Variants in CSMD2 observed in about 807,000 individuals in gnomAD.
CSMD2 encodes the protein CUB and Sushi multiple domains 2, also known as CUB and sushi domain-containing protein 2.
CSMD2 carries 130 observed loss-of-function variants against 398.5 expected under a neutral mutation model. The ratio of observed to expected loss-of-function variants is 0.33; its 90% CI spans 0.28 to 0.38. CSMD2 has a LOEUF of 0.38. Ranked by LOEUF, CSMD2 falls within the 10% of genes least tolerant of loss-of-function variation. The pLI is 1.00. For synonymous variants in CSMD2, 1,828 were observed against 1,908.5 expected (o/e 0.96, Z 1.10); for missense variants, 3,829 against 4,764.9 (o/e 0.80, Z 5.78).
rs1465513726 is a variant in CSMD2, at chr1:34,159,336, C to CG, written c.187+5574_187+5575insC. ...GAATGACTTTACAGCCTGCCCCCCC[C>CG]CCACCCAGGAGCTTGTGGTGGAAAG... On this transcript the variant is annotated intron_variant, in intron 1 of 70. Coordinates refer to ENST00000373381, the MANE Select transcript of CSMD2 (RefSeq NM_001281956.2). 2.6e-4 allele frequency among the ~76,000 whole-genome samples: 23 copies of CG among 89,780 alleles called. No individual in the cohort carries two copies. The East Asian group carries it at 2.8e-3, about 11-fold the overall frequency. The allele number at this position is 89,780 out of a possible 152,430, so 58.9% of individuals were successfully genotyped here. A position where few individuals can be genotyped will look rare whatever the true frequency, so the allele number is the denominator to read the frequency against.
At chr1:34,123,907 G>A (rs968018893) in intron 1 of CSMD2, among the ~76,000 whole-genome samples, 3 of 152,172 alleles carry the variant, frequency 2.0e-5, no homozygotes, top group Non-Finnish European at 4.4e-5. Context: ...AGTAGAGTAA[G>A]GTTGTGAACA....
At chr1:33,833,706 C>T (rs936208711) in intron 6 of CSMD2, among the ~76,000 whole-genome samples, 15 of 151,496 alleles carry the variant, frequency 9.9e-5, no homozygotes, top group Non-Finnish European at 1.3e-4. Flanking sequence ...AAGAGGAAGT[C>T]AAATTGTCCC....
chr1:34,080,254 G>A (rs1478648962), intron 2 of CSMD2, among the ~76,000 whole-genome samples: 2 of 151,734 alleles, frequency 1.3e-5, no homozygotes, highest in Non-Finnish European at 2.9e-5. Context: ...AAGAGTATAG[G>A]ATCACAGTAT....
chr1:34,002,427 C>T (rs1646931665), intron 3 of CSMD2, among the ~76,000 whole-genome samples: 1 of 152,186 alleles, frequency 6.6e-6, no homozygotes, highest in Non-Finnish European at 1.5e-5. Context: ...CAACACTCCC[C>T]CAGACTATTA....
At chr1:34,048,274 G>A (rs1313160381) in intron 2 of CSMD2, among the ~76,000 whole-genome samples, 1 of 152,148 alleles carries the variant, frequency 6.6e-6, no homozygotes. Context: ...CCTAAATCAG[G>A]CTTAGTGACA....
intron 37 of CSMD2, among the ~76,000 whole-genome samples, chr1:33,621,491 GCA>G (rs1464004659): frequency 2.6e-5 from 4 of 152,202 alleles, no homozygotes; most frequent in African/African-American, 9.7e-5. Context: ...GCAAAACCCA[GCA>G]CAGTGCCTGG....
At chr1:33,684,685 A>C (rs1459810835) in intron 25 of CSMD2, among the ~76,000 whole-genome samples, 1 of 152,036 alleles carries the variant, frequency 6.6e-6, no homozygotes, top group African/African-American at 2.4e-5. Flanking sequence ...AGCTGTGTAC[A>C]TTCATATCTT....
At chr1:33,803,097 T>A (rs145445308) in intron 10 of CSMD2, among the ~76,000 whole-genome samples, 2 of 152,290 alleles carry the variant, frequency 1.3e-5, no homozygotes, top group Non-Finnish European at 2.9e-5. Context: ...ACATTTGTCA[T>A]CGTTGCCATG....
intron 1 of CSMD2, among the ~76,000 whole-genome samples, chr1:34,122,453 C>G (rs930043437): frequency 1.3e-5 from 2 of 152,110 alleles, no homozygotes; most frequent in African/African-American, 4.8e-5. Context: ...TCTTTTCTTA[C>G]CCTCAAGCAG....
intron 41 of CSMD2, among the ~76,000 whole-genome samples, chr1:33,606,238 C>T (rs1052169131): frequency 2.0e-5 from 3 of 152,192 alleles, no homozygotes; most frequent in Non-Finnish European, 2.9e-5. Flanking sequence ...GCAGTAATTG[C>T]GCCCACTCCA....
chr1:33,789,718 G>A (rs771296998), intron 11 of CSMD2, among the ~76,000 whole-genome samples: 1 of 152,214 alleles, frequency 6.6e-6, no homozygotes, highest in African/African-American at 2.4e-5. Context: ...TATGGAAGTG[G>A]AGCTCGGATA....
intron 48 of CSMD2, among the ~76,000 whole-genome samples, chr1:33,580,519 G>C (rs1259128736): frequency 6.6e-6 from 1 of 152,210 alleles, no homozygotes; most frequent in East Asian, 1.9e-4. Flanking sequence ...GGCATTATCA[G>C]ATCATATAAA....
intron 5 of CSMD2, chr1:33,868,856 G>A (rs1206521899): frequency 1.3e-5 from 2 of 152,172 alleles, no homozygotes; most frequent in Non-Finnish European, 1.5e-5. Flanking sequence ...ATAGGATAGA[G>A]GGCACTTGAA....
intron 1 of CSMD2, among the ~76,000 whole-genome samples, chr1:34,105,045 G>C (rs893347949): frequency 6.6e-6 from 1 of 152,126 alleles, no homozygotes; most frequent in South Asian, 2.1e-4. Flanking sequence ...GTTACTCTTC[G>C]CTCTCCGCTA....
At chr1:33,836,891 C>T (rs758667970) in intron 6 of CSMD2, among the ~76,000 whole-genome samples, 6 of 152,178 alleles carry the variant, frequency 3.9e-5, no homozygotes, top group Admixed American at 2.0e-4. Flanking sequence ...CTCCGACAAT[C>T]CCCAGTGAGA....
At chr1:33,887,001 A>G (rs2125192338) in intron 5 of CSMD2, among the ~76,000 whole-genome samples, 1 of 152,140 alleles carries the variant, frequency 6.6e-6, no homozygotes, top group Admixed American at 6.5e-5. Context: ...TTATTTAAAT[A>G]CGACCATTTT....
chr1:34,041,642 C>T (rs1651852410), intron 2 of CSMD2, among the ~76,000 whole-genome samples: 1 of 152,080 alleles, frequency 6.6e-6, no homozygotes, highest in Non-Finnish European at 1.5e-5. Context: ...AGCAAGGAGA[C>T]CCTAAAAGAC....
intron 2 of CSMD2, among the ~76,000 whole-genome samples, chr1:34,062,966 G>A (rs907649676): frequency 9.9e-5 from 15 of 152,104 alleles, no homozygotes; most frequent in African/African-American, 3.6e-4. Flanking sequence ...GGTGGGAGGT[G>A]AAAGGCACTT....
At chr1:33,783,431 TTCTC>T (rs55769634) in intron 12 of CSMD2, among the ~76,000 whole-genome samples, 17,562 of 134,902 alleles carry the variant, frequency 0.13, 1,226 homozygotes, top group Admixed American at 0.17. Context: ...CATTCTCTCA[TTCTC>T]TCTCTCTCTC....
Sources: gnomAD v4.1 joint callset for allele counts (sites outside exome capture counted in the v4.1 genomes callset) on GRCh38, gnomAD v4.1.1 for gene constraint, MANE v1.5 for transcripts, NCBI Gene and HGNC (gene_info 2026-07-23, HGNC 2026-07-21) for gene names.